RAB9B: variants seen among roughly 807,000 people sequenced by gnomAD.
The protein encoded by RAB9B is RAB9B, member RAS oncogene family, also known as ras-related protein Rab-9B.
A neutral mutation model predicts 8.9 loss-of-function variants in RAB9B; 1 was observed. That is an observed-to-expected ratio of 0.11 (90% confidence interval 0.04 to 0.53). The LOEUF (loss-of-function observed/expected upper bound fraction) is 0.53, where lower values mean the gene tolerates loss of function less well. Among genes scored for constraint, RAB9B ranks in the 20% least tolerant of loss-of-function variants. The pLI, the probability that RAB9B is intolerant of heterozygous loss-of-function variation, is 0.93. For missense variants in RAB9B, 82 were observed against 152.9 expected, an observed-to-expected ratio of 0.54 and a Z score of 2.45; for synonymous variants, 63 against 57.0, an observed-to-expected ratio of 1.10 and a Z score of -0.47.
chrX:103,791,230 C>T, the RAB9B span: 1 of 115,356 alleles, frequency 8.7e-6, no homozygotes, highest in South Asian at 3.5e-4. Context: ...CTACTGAAGC[C>T]CTAACTCAGC....
downstream of RAB9B, among the ~76,000 whole-genome samples, chrX:103,819,193 C>G (rs761638362): frequency 8.9e-6 from 1 of 111,812 alleles, no homozygotes; most frequent in South Asian, 3.8e-4. Flanking sequence ...GAATTAAGAG[C>G]TATTTCTTTC....
the RAB9B span, chrX:103,790,600 C>G: frequency 2.7e-5 from 32 of 1,185,027 alleles, no homozygotes; most frequent in South Asian, 5.0e-4. Flanking sequence ...AAGTTCTGAT[C>G]CCCCGTAGAA....
the RAB9B span, among the ~76,000 whole-genome samples, chrX:103,799,312 G>A: frequency 9.6e-6 from 1 of 103,799 alleles, no homozygotes; most frequent in African/African-American, 3.6e-5. Flanking sequence ...TCCTTTGAAA[G>A]GCACTTACTT....
chrX:103,811,511 G>A, the RAB9B span, among the ~76,000 whole-genome samples: 2 of 111,450 alleles, frequency 1.8e-5, no homozygotes, highest in South Asian at 7.6e-4. Context: ...TTATAATAGT[G>A]ACATGTGGAA....
chrX:103,823,743 A>G lies in RAB9B; in HGVS notation c.*1436T>C, dbSNP rs1159897711. ...TATATTTTAACATGGGAGCTTTAAG[A>G]TGTTTTTTATCAGTCACATAAAGAT... On this transcript the variant is annotated 3_prime_UTR_variant, in exon 3 of 3. Transcript: ENST00000243298. The G allele has an allele frequency of 1.8e-5, 2 of 112,340 alleles. No individual in the cohort carries two copies. Among genetic ancestry groups the G allele is most frequent in the East Asian group, 5.5e-4 (2 of 3,610 alleles). The allele number at this position is 112,340 out of a possible 1,213,427, so 9.3% of individuals were successfully genotyped here.
At position 103,824,297 on chromosome X, in the gene RAB9B, C is replaced by T. The variant is rs1456657198; in HGVS notation, c.*882G>A. 1 of 111,997 alleles carries T rather than the reference C, an allele frequency of 8.9e-6. No homozygotes were observed. Among genetic ancestry groups the T allele is most frequent in the East Asian group, 2.8e-4 (1 of 3,581 alleles). The allele number at this position is 111,997 out of a possible 1,213,427, so 9.2% of individuals were successfully genotyped here. On this transcript the variant is annotated 3_prime_UTR_variant, in exon 3 of 3. Coordinates refer to ENST00000243298, the MANE Select transcript of RAB9B (RefSeq NM_016370.4). ...CTTTTATGAAGCCTTCTCCATGAGC[C>T]CAGCATGTTGGATCAAAGGACCATC...
At chrX:103,812,477 G>C in the RAB9B span, among the ~76,000 whole-genome samples, 2 of 111,545 alleles carry the variant, frequency 1.8e-5, no homozygotes, top group Non-Finnish European at 3.8e-5. Flanking sequence ...CTCTTTCTTT[G>C]TTCTATTTAG....
chrX:103,827,997 T>C (rs1428963046), intron 1 of RAB9B, among the ~76,000 whole-genome samples: 1 of 112,241 alleles, frequency 8.9e-6, no homozygotes, highest in Non-Finnish European at 1.9e-5. Context: ...AGTTTTAATA[T>C]TTAGCTGGTG....
the RAB9B span, among the ~76,000 whole-genome samples, chrX:103,796,782 T>C: frequency 3.0e-5 from 3 of 100,313 alleles, no homozygotes; most frequent in Non-Finnish European, 4.0e-5. Flanking sequence ...ACCACTATCA[T>C]TGTAGCTCAG....
chrX:103,789,924 G>A, the RAB9B span, among the ~76,000 whole-genome samples: 1 of 112,122 alleles, frequency 8.9e-6, no homozygotes, highest in Admixed American at 9.4e-5. Context: ...AGGTCTTGCT[G>A]ATAGTGCTAC....
chrX:103,796,899 T>C, the RAB9B span, among the ~76,000 whole-genome samples: 2 of 96,061 alleles, frequency 2.1e-5, no homozygotes, highest in Non-Finnish European at 4.1e-5. Flanking sequence ...TGGTACCTAG[T>C]GCCTGTAGTC....
the RAB9B span, among the ~76,000 whole-genome samples, chrX:103,810,767 A>G: frequency 9.0e-5 from 10 of 111,421 alleles, no homozygotes; most frequent in African/African-American, 2.6e-4. Context: ...TCCTTTCACA[A>G]TAGATCCCCA....
chrX:103,786,301 A>T, the RAB9B span: 2 of 1,090,369 alleles, frequency 1.8e-6, no homozygotes, highest in South Asian at 1.9e-5. Flanking sequence ...TTATTTCAAC[A>T]AAGATAAGGT....
At chrX:103,826,979 A>T (rs187606460) in intron 2 of RAB9B, 26 bp downstream of exon 2, 1 of 111,723 alleles carries the variant, frequency 9.0e-6, no homozygotes, top group East Asian at 2.8e-4. Flanking sequence ...TCCCAAATCC[A>T]CAGTGTGCCC....
the RAB9B span, among the ~76,000 whole-genome samples, chrX:103,790,084 C>A: frequency 8.9e-6 from 1 of 112,213 alleles, no homozygotes; most frequent in African/African-American, 3.2e-5. Context: ...GGTTTCCATA[C>A]AGAGTCAAGT....
the RAB9B span, chrX:103,785,910 A>T: frequency 1.4e-6 from 1 of 717,576 alleles, no homozygotes; most frequent in African/African-American, 2.1e-5. Context: ...CTCTGTGCAG[A>T]TCTCTCCTGC....
the RAB9B span, chrX:103,788,697 T>G: frequency 2.8e-5 from 13 of 470,746 alleles, no homozygotes; most frequent in Non-Finnish European, 1.9e-5. Context: ...ACCTGTTTTC[T>G]CTAGAGTTGC....
chrX:103,830,968 G>GA (rs1437542870), intron 1 of RAB9B, among the ~76,000 whole-genome samples: 2 of 111,214 alleles, frequency 1.8e-5, no homozygotes, highest in Admixed American at 1.9e-4. Flanking sequence ...TCTTGAAAGG[G>GA]ATGTGTACTG....
At chrX:103,803,450 A>G in the RAB9B span, among the ~76,000 whole-genome samples, 2 of 112,782 alleles carry the variant, frequency 1.8e-5, no homozygotes, top group Admixed American at 9.3e-5. Context: ...CCTGATGACT[A>G]ATGATGTTAA....
Sources: gnomAD v4.1 joint callset for allele counts (sites outside exome capture counted in the v4.1 genomes callset) on GRCh38, gnomAD v4.1.1 for gene constraint, MANE v1.5 for transcripts, NCBI Gene and HGNC (gene_info 2026-07-23, HGNC 2026-07-21) for gene names.